RUNX1T1: variants seen among roughly 807,000 people sequenced by gnomAD.
RUNX1T1 encodes RUNX1 partner transcriptional co-repressor 1, also known as protein CBFA2T1.
RUNX1T1 carries 4 observed loss-of-function variants against 62.8 expected under a neutral mutation model. The observed-to-expected ratio is 0.06, with a 90% CI of 0.03 to 0.15. The LOEUF is 0.15. RUNX1T1 is among the 10% of genes least tolerant of loss of function. The pLI, the probability that RUNX1T1 is intolerant of heterozygous loss-of-function variation, is 1.00. For synonymous variants in RUNX1T1, 291 were observed against 286.0 expected (o/e 1.02, Z -0.18); for missense variants, 508 against 754.3 (o/e 0.67, Z 3.82).
rs183111870 is a variant in RUNX1T1 at position 91,971,761 on chromosome 8, C to T, written c.1268-913G>A. Among the ~76,000 whole-genome samples, 56 of 152,256 alleles carry T rather than the reference C, an allele frequency of 3.7e-4. 1 individual carries two copies. In the East Asian group the frequency reaches 6.9e-3, roughly 19 times the overall value. On this transcript the variant is annotated intron_variant, in intron 9 of 10. Coordinates refer to ENST00000396218, the Ensembl canonical transcript of RUNX1T1. Reference sequence around the variant, plus strand: ...GAATCATACCACAGGCCAAAACAATCAGGCCTGACTATGAGTCTGCAAGGT... The same window carrying T: ...GAATCATACCACAGGCCAAAACAATTAGGCCTGACTATGAGTCTGCAAGGT...
chr8:92,034,813 C>CATATATATATACAT, intron 1 of RUNX1T1, among the ~76,000 whole-genome samples: 1 of 114,480 alleles, frequency 8.7e-6, no homozygotes, highest in African/African-American at 3.3e-5. Context: ...CACACACACA[C>CATATATATATACAT]ACACACACAC....
chr8:92,050,893 T>C (rs1830129416), intron 1 of RUNX1T1, among the ~76,000 whole-genome samples: 1 of 152,164 alleles, frequency 6.6e-6, no homozygotes, highest in Non-Finnish European at 1.5e-5. Flanking sequence ...CAAGCTACCC[T>C]GACCTTTGAA....
At chr8:91,993,859 G>A (rs1899666) in intron 5 of RUNX1T1, among the ~76,000 whole-genome samples, 31,236 of 151,978 alleles carry the variant, frequency 0.21, 3,287 homozygotes, top group Middle Eastern at 0.26. Flanking sequence ...GGGTGTAGTG[G>A]TGCATGCCTG....
intron 2 of RUNX1T1, among the ~76,000 whole-genome samples, chr8:92,073,549 T>C (rs1833989160): frequency 1.3e-5 from 2 of 152,074 alleles, no homozygotes; most frequent in South Asian, 4.1e-4. Context: ...ACTCCAAAAC[T>C]CTAAGAGCCC....
chr8:92,030,927 G>C (rs531485853), intron 1 of RUNX1T1, among the ~76,000 whole-genome samples: 33 of 152,294 alleles, frequency 2.2e-4, no homozygotes, highest in African/African-American at 7.9e-4. Flanking sequence ...TTTCCTGAGG[G>C]CCAGACCAAG....
chr8:91,994,497 T>C (rs1204932590), intron 5 of RUNX1T1: 1 of 427,856 alleles, frequency 2.3e-6, no homozygotes, highest in Non-Finnish European at 4.6e-6. Flanking sequence ...CTTACTGGCA[T>C]TGTGGTGTAG....
intron 1 of RUNX1T1, among the ~76,000 whole-genome samples, chr8:92,055,054 T>C (rs372762018): frequency 2.6e-5 from 4 of 152,222 alleles, no homozygotes; most frequent in Middle Eastern, 3.4e-3. Context: ...CAGCACAAAC[T>C]GATCAGCTTG....
intron 2 of RUNX1T1, among the ~76,000 whole-genome samples, chr8:92,072,043 C>T (rs1253381778): frequency 6.6e-6 from 1 of 152,152 alleles, no homozygotes; most frequent in African/African-American, 2.4e-5. Flanking sequence ...ACCTTAATGG[C>T]AGAAACTTCA....
chr8:91,968,742 G>A (rs1812165511), intron 10 of RUNX1T1, among the ~76,000 whole-genome samples: 1 of 152,200 alleles, frequency 6.6e-6, no homozygotes, highest in Non-Finnish European at 1.5e-5. Context: ...CATAGGGACT[G>A]AAAGCATGCT....
chr8:92,036,148 T>C (rs184793458), intron 1 of RUNX1T1, among the ~76,000 whole-genome samples: 6 of 152,330 alleles, frequency 3.9e-5, no homozygotes, highest in African/African-American at 1.2e-4. Context: ...TCTGAGCTTA[T>C]GAAGAATTAT....
At chr8:92,078,879 T>A (rs1410283460) in intron 1 of RUNX1T1, among the ~76,000 whole-genome samples, 1 of 152,242 alleles carries the variant, frequency 6.6e-6, no homozygotes, top group African/African-American at 2.4e-5. Context: ...TTCTAAGGAA[T>A]GCAATAACTT....
chr8:92,039,200 T>C (rs543249645), intron 1 of RUNX1T1, among the ~76,000 whole-genome samples: 2 of 147,364 alleles, frequency 1.4e-5, no homozygotes, highest in South Asian at 4.3e-4. Context: ...AGTGATGAGG[T>C]TTCACTATGT....
At chr8:91,998,249 T>C (rs1231211229) in intron 5 of RUNX1T1, among the ~76,000 whole-genome samples, 1 of 152,174 alleles carries the variant, frequency 6.6e-6, no homozygotes, top group East Asian at 1.9e-4. Context: ...ACAAAATACA[T>C]TACAAATTCC....
At chr8:92,007,328 G>T (rs1820982826) in intron 4 of RUNX1T1, among the ~76,000 whole-genome samples, 2 of 151,832 alleles carry the variant, frequency 1.3e-5, no homozygotes, top group South Asian at 2.1e-4. Flanking sequence ...TTAGCTGGGT[G>T]TGGTGGCACG....
upstream of RUNX1T1, chr8:92,102,729 G>A (rs1183956423): frequency 2.0e-5 from 20 of 991,816 alleles, no homozygotes; most frequent in East Asian, 5.5e-4. The surrounding 1 kb of genome is among the most constrained non-coding windows in gnomAD (Gnocchi z 4.5). Flanking sequence ...TGAGCGACAA[G>A]TACAGCCTGG....
chr8:92,067,128 C>A (rs887426510), upstream of RUNX1T1, among the ~76,000 whole-genome samples: 1 of 152,168 alleles, frequency 6.6e-6, no homozygotes, highest in Non-Finnish European at 1.5e-5. Flanking sequence ...TTATTTAGGG[C>A]TGTCCAAGAG....
At chr8:91,983,471 T>C (rs2130797539) in intron 8 of RUNX1T1, among the ~76,000 whole-genome samples, 1 of 152,234 alleles carries the variant, frequency 6.6e-6, no homozygotes, top group African/African-American at 2.4e-5. Flanking sequence ...GGGATATAAG[T>C]AGGGCAATAT....
chr8:91,962,900 ACACAGGGTGGTAACTGTC>A (rs1335333925), intron 10 of RUNX1T1, among the ~76,000 whole-genome samples: 1 of 152,238 alleles, frequency 6.6e-6, no homozygotes, highest in African/African-American at 2.4e-5. Flanking sequence ...GTTTTGGCAG[ACACAGGGTGGTAACTGTC>A]CAATACTCAA....
At chr8:92,035,771 A>G (rs1215204829) in intron 1 of RUNX1T1, among the ~76,000 whole-genome samples, 2 of 85,150 alleles carry the variant, frequency 2.3e-5, no homozygotes, top group African/African-American at 1.1e-4. Context: ...AAATATCTGC[A>G]TATATATATA....
Sources: gnomAD v4.1 joint callset for allele counts (sites outside exome capture counted in the v4.1 genomes callset) on GRCh38, gnomAD v4.1.1 for gene constraint, Gnocchi (gnomAD v3.1) non-coding constraint, MANE v1.5 for transcripts, NCBI Gene and HGNC (gene_info 2026-07-23, HGNC 2026-07-21) for gene names.